The following LINGO2 variants were observed in gnomAD, a reference collection of about 807,000 sequenced individuals.
LINGO2 encodes the protein leucine rich repeat and Ig domain containing 2, also known as leucine-rich repeat and immunoglobulin-like domain-containing nogo receptor-interacting protein 2.
In LINGO2, 14 loss-of-function variants were observed where a neutral mutation model predicts 30.6. That is an observed-to-expected ratio of 0.46 (90% confidence interval 0.30 to 0.72). The LOEUF (loss-of-function observed/expected upper bound fraction) is 0.72. Ranked by LOEUF, LINGO2 falls within the 30% of genes least tolerant of loss-of-function variation. The probability of loss-of-function intolerance (pLI) is 0.07; values close to 1 mark genes in which losing one functional copy is unlikely to be tolerated. For missense variants in LINGO2, 729 were observed against 751.7 expected, an observed-to-expected ratio of 0.97 and a Z score of 0.35; for synonymous variants, 317 against 288.5, an observed-to-expected ratio of 1.10 and a Z score of -1.00.
chr9:28,597,695 T>C (rs1217547289), intron 1 of LINGO2, among the ~76,000 whole-genome samples: 2 of 152,138 alleles, frequency 1.3e-5, no homozygotes, highest in East Asian at 3.9e-4. Flanking sequence ...CATGAACTAG[T>C]TTGTTGGGGT....
the LINGO2 span, among the ~76,000 whole-genome samples, chr9:29,175,179 A>G: frequency 6.6e-6 from 1 of 152,146 alleles, no homozygotes; most frequent in South Asian, 2.1e-4. Flanking sequence ...GAATCACTTG[A>G]ACCTGGGAGG....
chr9:28,012,430 T>G (rs1822604258), intron 4 of LINGO2: 1 of 150,412 alleles, frequency 6.6e-6, no homozygotes, highest in African/African-American at 2.5e-5. Context: ...AAAAAAAAAG[T>G]TAATCAAAGT....
At chr9:28,599,643 G>C (rs1296820152) in intron 1 of LINGO2, among the ~76,000 whole-genome samples, 1 of 152,064 alleles carries the variant, frequency 6.6e-6, no homozygotes, top group African/African-American at 2.4e-5. Context: ...TCTCTGTAAA[G>C]AGACTTTAAT....
the LINGO2 span, among the ~76,000 whole-genome samples, chr9:29,128,269 G>A: frequency 2.2e-4 from 33 of 152,224 alleles, no homozygotes; most frequent in African/African-American, 7.9e-4. Context: ...CAAAGGGGAT[G>A]CCCTAGATGG....
intron 4 of LINGO2, among the ~76,000 whole-genome samples, chr9:28,173,602 A>G (rs1828662870): frequency 2.0e-5 from 3 of 152,200 alleles, no homozygotes; most frequent in Non-Finnish European, 4.4e-5. Flanking sequence ...GATCATTGCC[A>G]TTTGAACTTT....
chr9:28,258,964 G>A (rs562842510), intron 4 of LINGO2, among the ~76,000 whole-genome samples: 52 of 151,384 alleles, frequency 3.4e-4, no homozygotes, highest in Non-Finnish European at 6.8e-4. Context: ...AATCATAGGA[G>A]GATTGGTCCC....
intron 1 of LINGO2, among the ~76,000 whole-genome samples, chr9:28,668,260 T>G (rs1414826327): frequency 3.3e-5 from 5 of 152,050 alleles, no homozygotes; most frequent in Non-Finnish European, 7.4e-5. Context: ...AATGAAATCT[T>G]ATCTGTAGGC....
At chr9:28,435,294 A>G (rs1823878818) in intron 2 of LINGO2, among the ~76,000 whole-genome samples, 1 of 152,176 alleles carries the variant, frequency 6.6e-6, no homozygotes, top group Admixed American at 6.5e-5. Context: ...TCATAATTTA[A>G]CACTCTAGTA....
intron 4 of LINGO2, among the ~76,000 whole-genome samples, chr9:28,242,151 G>A (rs1453263244): frequency 6.6e-6 from 1 of 152,190 alleles, no homozygotes; most frequent in East Asian, 1.9e-4. Flanking sequence ...GTAGGCTTCA[G>A]AAGGTGGGTA....
chr9:28,547,060 G>C (rs1431628850), intron 1 of LINGO2, among the ~76,000 whole-genome samples: 3 of 152,048 alleles, frequency 2.0e-5, no homozygotes, highest in Non-Finnish European at 4.4e-5. Context: ...TGAAATACTA[G>C]AAAAAGGAAG....
intron 4 of LINGO2, among the ~76,000 whole-genome samples, chr9:28,072,599 G>A (rs1226433946): frequency 6.6e-6 from 1 of 152,108 alleles, no homozygotes; most frequent in Non-Finnish European, 1.5e-5. Flanking sequence ...TCCATTTCCT[G>A]ACTTTAGCTT....
chr9:28,940,758 A>C, the LINGO2 span, among the ~76,000 whole-genome samples: 34 of 152,314 alleles, frequency 2.2e-4, no homozygotes, highest in South Asian at 5.8e-3. Flanking sequence ...GACTTTCATT[A>C]CTGCAAATTG....
intron 4 of LINGO2, among the ~76,000 whole-genome samples, chr9:28,215,144 C>T (rs1820720420): frequency 6.6e-6 from 1 of 151,674 alleles, no homozygotes; most frequent in Non-Finnish European, 1.5e-5. Context: ...AGGACGCTAC[C>T]TGATCAAGAT....
At chr9:28,577,916 C>A (rs979714658) in intron 1 of LINGO2, among the ~76,000 whole-genome samples, 1 of 152,126 alleles carries the variant, frequency 6.6e-6, no homozygotes, top group Non-Finnish European at 1.5e-5. Flanking sequence ...GAAATGGAAG[C>A]TTTTTCTGAA....
chr9:28,772,282 C>CG, the LINGO2 span, among the ~76,000 whole-genome samples: 1 of 152,150 alleles, frequency 6.6e-6, no homozygotes, highest in African/African-American at 2.4e-5. Flanking sequence ...AGTCAGACCG[C>CG]GGTCTCAGGT....
chr9:28,837,681 T>TATATATATATATATATA, the LINGO2 span, among the ~76,000 whole-genome samples: 150 of 130,688 alleles, frequency 1.1e-3, no homozygotes, highest in South Asian at 1.5e-3. Flanking sequence ...TATATATATA[T>TATATATATATATATATA]TTAGGATAAC....
At chr9:27,982,910 G>A (rs909431217) in intron 5 of LINGO2, among the ~76,000 whole-genome samples, 4 of 151,572 alleles carry the variant, frequency 2.6e-5, no homozygotes, top group Non-Finnish European at 4.4e-5. Context: ...ATACACTTAC[G>A]AACTGTAAAG....
intron 1 of LINGO2, among the ~76,000 whole-genome samples, chr9:28,521,937 C>T (rs980053251): frequency 1.3e-5 from 2 of 152,166 alleles, no homozygotes; most frequent in African/African-American, 4.8e-5. Flanking sequence ...CAATAGCCAC[C>T]ACAAGCTAGA....
At chr9:28,794,120 A>G in the LINGO2 span, among the ~76,000 whole-genome samples, 1 of 152,156 alleles carries the variant, frequency 6.6e-6, no homozygotes, top group Non-Finnish European at 1.5e-5. Context: ...CCTGGCCAAC[A>G]TAGTGAAACC....
Sources: gnomAD v4.1 joint callset for allele counts (sites outside exome capture counted in the v4.1 genomes callset) on GRCh38, gnomAD v4.1.1 for gene constraint, MANE v1.5 for transcripts, NCBI Gene and HGNC (gene_info 2026-07-23, HGNC 2026-07-21) for gene names.